The following KATNAL2 variants were observed in gnomAD, a reference collection of about 807,000 sequenced individuals.
KATNAL2 encodes katanin p60 ATPase-containing subunit A-like 2.
In KATNAL2, 52 loss-of-function variants were observed where a neutral mutation model predicts 76.3. The ratio of observed to expected loss-of-function variants is 0.68; its 90% CI spans 0.55 to 0.86. KATNAL2 has a LOEUF of 0.86. KATNAL2 is among the 40% of genes least tolerant of loss of function. The pLI is 0.00. For missense variants in KATNAL2, 660 were observed against 668.9 expected (o/e 0.99, Z 0.15); for synonymous variants, 243 against 244.2 (o/e 1.00, Z 0.05).
chr18:47,061,416 A>C (rs531654820), intron 8 of KATNAL2, among the ~76,000 whole-genome samples: 2 of 152,280 alleles, frequency 1.3e-5, no homozygotes, highest in South Asian at 4.2e-4. Context: ...CTCGTGAACT[A>C]ATAGAGTGAG....
At chr18:47,098,276 A>G in intron 15 of KATNAL2, 1 of 332,010 alleles carries the variant, frequency 3.0e-6, no homozygotes, top group South Asian at 2.4e-5. Flanking sequence ...AGACATATCC[A>G]AGACTGGGAA....
intron 3 of KATNAL2, among the ~76,000 whole-genome samples, chr18:46,958,660 A>G (rs2059837562): frequency 6.6e-6 from 1 of 152,236 alleles, no homozygotes; most frequent in Non-Finnish European, 1.5e-5. Flanking sequence ...TAATACAAAT[A>G]AGACTATACG....
At chr18:47,040,854 C>A (rs1446730628) in intron 3 of KATNAL2, among the ~76,000 whole-genome samples, 1 of 152,008 alleles carries the variant, frequency 6.6e-6, no homozygotes, top group East Asian at 1.9e-4. Flanking sequence ...AGTTTTCTAC[C>A]ACGATTATTT....
chr18:46,938,655 T>C (rs967833428), intron 1 of KATNAL2, among the ~76,000 whole-genome samples: 1 of 152,190 alleles, frequency 6.6e-6, no homozygotes, highest in African/African-American at 2.4e-5. Flanking sequence ...TCTCATTCCA[T>C]ATAACATCCA....
intron 1 of KATNAL2, among the ~76,000 whole-genome samples, chr18:46,940,430 C>T (rs755629067): frequency 2.0e-5 from 3 of 152,200 alleles, no homozygotes; most frequent in East Asian, 3.8e-4. Context: ...GTGATTAAAA[C>T]GCTCTCTCTC....
At chr18:46,952,471 C>A (rs2059592039) in intron 3 of KATNAL2, among the ~76,000 whole-genome samples, 1 of 139,900 alleles carries the variant, frequency 7.1e-6, no homozygotes, top group African/African-American at 2.7e-5. Flanking sequence ...GCGATGTCAG[C>A]TCACTGCAAC....
intron 3 of KATNAL2, among the ~76,000 whole-genome samples, chr18:46,955,390 A>AT (rs1336708267): frequency 1.9e-3 from 264 of 140,078 alleles, no homozygotes; most frequent in African/African-American, 4.4e-3. Context: ...CTAATTTTGT[A>AT]TTTTTTTTTT....
intron 3 of KATNAL2, chr18:47,035,198 C>G (rs1357402295): frequency 2.5e-6 from 4 of 1,612,666 alleles, no homozygotes; most frequent in Non-Finnish European, 3.4e-6. Flanking sequence ...TTTTTCGGCT[C>G]CGTCTTAGTG....
At position 47,098,252 on chromosome 18, in the gene KATNAL2, C is replaced by T. The variant is rs1294881938; in HGVS notation, c.1212-991C>T. 2.8e-5 allele frequency: 11 copies of T among 392,754 alleles called. No homozygotes were observed. The Admixed American group carries it at 3.3e-4, about 12-fold the overall frequency. 24.3% of individuals were successfully genotyped at this position (392,754 alleles called of 1,614,324 possible). ...AAAAAAAAGTGTACTAGTCCATTTT[C>T]ATGCTGCTGGTGAAGACATATCCAA... On this transcript the variant is annotated intron_variant, in intron 15 of 17. Coordinates refer to ENST00000683218, the MANE Select transcript of KATNAL2 (RefSeq NM_001387690.1).
chr18:47,050,098 G>A (rs1304947137), intron 4 of KATNAL2, among the ~76,000 whole-genome samples: 2 of 151,944 alleles, frequency 1.3e-5, no homozygotes, highest in African/African-American at 4.8e-5. Context: ...GGCTGGTCTG[G>A]GACTCCTGGG....
chr18:46,937,252 G>C (rs72917159), intron 1 of KATNAL2, among the ~76,000 whole-genome samples: 1 of 152,010 alleles, frequency 6.6e-6, no homozygotes. Flanking sequence ...TTTCAATTGA[G>C]AGGCATTCTA....
At chr18:46,955,014 G>T (rs2059683200) in intron 3 of KATNAL2, among the ~76,000 whole-genome samples, 1 of 151,812 alleles carries the variant, frequency 6.6e-6, no homozygotes, top group African/African-American at 2.4e-5. Flanking sequence ...GGTTTTCTTT[G>T]CTTTTGGCTT....
intron 8 of KATNAL2, among the ~76,000 whole-genome samples, chr18:47,059,997 AT>A (rs34651069): frequency 7.5e-5 from 11 of 146,336 alleles, no homozygotes; most frequent in Non-Finnish European, 7.5e-5. Context: ...CGTTCTCATC[AT>A]TTTTTTTTTT....
In KATNAL2 at chr18:47,058,458, T is replaced by C. The variant is rs1166105385; in HGVS notation, c.450+106T>C. 4.5e-6 allele frequency: 3 copies of C among 670,066 alleles called. No individual in the cohort carries two copies. In the African/African-American group the frequency reaches 5.4e-5, roughly 12 times the overall value. The allele number at this position is 670,066 out of a possible 1,614,324, so 41.5% of individuals were successfully genotyped here. On this transcript the variant is annotated intron_variant, in intron 7 of 17. Transcript: ENST00000683218. ...TTTTTGAGGACCTACGCTTTTAAAA[T>C]TGCTGTGTGATCTAATTGAATTTTA...
chr18:47,062,095 G>T (rs2061651101), intron 8 of KATNAL2, among the ~76,000 whole-genome samples: 2 of 152,120 alleles, frequency 1.3e-5, no homozygotes. Context: ...AGAATTAGAA[G>T]TAGGCTGGGT....
At chr18:46,941,876 A>G (rs2059255982) in intron 1 of KATNAL2, among the ~76,000 whole-genome samples, 1 of 152,130 alleles carries the variant, frequency 6.6e-6, no homozygotes, top group Non-Finnish European at 1.5e-5. Flanking sequence ...AAGGGTGCCT[A>G]CCCTTACAGA....
intron 1 of KATNAL2, among the ~76,000 whole-genome samples, chr18:46,920,478 A>G (rs1270570200): frequency 6.6e-6 from 1 of 152,106 alleles, no homozygotes; most frequent in African/African-American, 2.4e-5. Context: ...TGACTTTGAT[A>G]CTCACTCTGC....
intron 3 of KATNAL2, among the ~76,000 whole-genome samples, chr18:47,038,172 T>A (rs1407650637): frequency 6.6e-6 from 1 of 152,206 alleles, no homozygotes; most frequent in Non-Finnish European, 1.5e-5. Flanking sequence ...AGTAAGCCTG[T>A]CTTTTAGGCT....
At chr18:46,961,887 T>C (rs1348351221) in intron 3 of KATNAL2, among the ~76,000 whole-genome samples, 4 of 152,210 alleles carry the variant, frequency 2.6e-5, no homozygotes, top group Non-Finnish European at 5.9e-5. Flanking sequence ...CCGTATGATA[T>C]GATTGAGAAT....
Sources: allele counts gnomAD v4.1 joint callset (sites outside exome capture counted in the v4.1 genomes callset), GRCh38; gene constraint gnomAD v4.1.1; transcripts MANE v1.5; gene names NCBI Gene and HGNC (gene_info 2026-07-23, HGNC 2026-07-21).